Variants in GAD2 observed in about 807,000 individuals in gnomAD.
GAD2 encodes 65 kDa glutamic acid decarboxylase.
A neutral mutation model predicts 80.1 loss-of-function variants in GAD2; 22 were observed. The ratio of observed to expected loss-of-function variants is 0.27; its 90% CI spans 0.20 to 0.39. GAD2 has a LOEUF of 0.39. GAD2 is among the 10% of genes least tolerant of loss of function. GAD2 has a pLI of 1.00. For synonymous variants in GAD2, 274 were observed against 256.9 expected (o/e 1.07, Z -0.64); for missense variants, 624 against 738.4 (o/e 0.85, Z 1.80).
At chr10:26,289,015 G>T (rs3847380) in intron 13 of GAD2, among the ~76,000 whole-genome samples, 65,027 of 152,014 alleles carry the variant, frequency 0.43, 17,886 homozygotes, top group African/African-American at 0.79. Flanking sequence ...TGGAAACACC[G>T]CAAGTATCTA....
chr10:26,275,211 G>A (rs1418790555), intron 11 of GAD2, among the ~76,000 whole-genome samples: 1 of 152,246 alleles, frequency 6.6e-6, no homozygotes, highest in African/African-American at 2.4e-5. Context: ...AAATTCATGT[G>A]CTTTCAAGAG....
intron 7 of GAD2, among the ~76,000 whole-genome samples, chr10:26,234,409 G>C (rs887836174): frequency 1.3e-5 from 2 of 151,740 alleles, no homozygotes; most frequent in African/African-American, 4.8e-5. Context: ...GGGATACTTT[G>C]CCCATGGTGT....
rs1564315365 is a variant in GAD2, at chr10:26,303,472, G to GAAGGAAATGA, written c.*2512_*2513insAGGAAATGAA. On this transcript the variant is annotated 3_prime_UTR_variant, in exon 16 of 16. Transcript: ENST00000376261. ...GGAGGGAGGGAGGGAGGGAGGGAAG[G>GAAGGAAATGA]AGGGAGGGAGGAAGGAAATGAAGGG... is the stretch of plus-strand genomic sequence containing the variant. The GAAGGAAATGA allele has an allele frequency of 1.6e-4, 22 of 141,198 alleles. No individual in the cohort carries two copies. Among genetic ancestry groups the GAAGGAAATGA allele is most frequent in the African/African-American group, 5.8e-4 (22 of 38,202 alleles). 8.7% of individuals were successfully genotyped at this position (141,198 alleles called of 1,614,324 possible).
At chr10:26,285,965 G>A (rs1008806893) in intron 12 of GAD2, among the ~76,000 whole-genome samples, 2 of 152,020 alleles carry the variant, frequency 1.3e-5, no homozygotes, top group African/African-American at 4.8e-5. Context: ...TTTTAATCAT[G>A]ACAAAACCAG....
Position 26,269,155 on chromosome 10 carries a change from T to C in GAD2, c.957T>C (p.Ile319=). 1.2e-6 allele frequency: 2 copies of C among 1,600,626 alleles called. No homozygotes were observed. The highest frequency in any genetic ancestry group is 1.1e-5 in the South Asian group (1 of 87,548). Residue 319 remains isoleucine (I), a synonymous_variant, in exon 9 of 16, where the codon ATT becomes ATC. Coordinates refer to ENST00000376261, the MANE Select transcript of GAD2 (RefSeq NM_001134366.2). The stretch of plus-strand genomic sequence containing the variant: ...TTCCATCTGATCTTGAAAGAAGGAT[T>C]CTTGAAGCCAAACAGAAAGTAAGTT... ...KMIPSDLERR[I]LEAKQKGFVP... is the part of the protein sequence containing the mutation.
intron 9 of GAD2, 61 bp from the exon 10 acceptor site, chr10:26,270,579 A>T: frequency 8.4e-7 from 1 of 1,190,182 alleles, no homozygotes; most frequent in East Asian, 2.3e-5. Flanking sequence ...GCTTTGAATC[A>T]GCTTTTTAAA....
At position 26,292,480 on chromosome 10, in the gene GAD2, G is replaced by A. The variant is rs1834227299; in HGVS notation, c.1402G>A (p.Glu468Lys). The A allele has an allele frequency of 6.2e-7, 1 of 1,613,866 alleles. No homozygotes were observed. The highest frequency in any genetic ancestry group is 1.7e-5 in the Admixed American group (1 of 60,004). ...MWRAKGTTGFEAHVDKCLELA... is the reference protein window; with the variant it reads ...MWRAKGTTGFKAHVDKCLELA... ...TCTTACCTAGGGGACTACCGGGTTT[G>A]AAGCGCATGTTGATAAATGTTTGGA... The change falls in exon 14 of 16, where the codon GAA (glutamate) becomes AAA (lysine). Residue 468 changes from glutamate (E) to lysine (K), a missense_variant. By Grantham distance (56) the Glu-to-Lys change is moderately conservative. Transcript: ENST00000376261.
chr10:26,224,730 A>G, intron 6 of GAD2, 79 bp downstream of exon 6: 3 of 1,009,226 alleles, frequency 3.0e-6, no homozygotes, highest in Non-Finnish European at 4.6e-6. Context: ...AAGATTAAAA[A>G]TCTAGCCTAT....
At chr10:26,278,819 G>A (rs1404868610) in intron 11 of GAD2, among the ~76,000 whole-genome samples, 1 of 151,654 alleles carries the variant, frequency 6.6e-6, no homozygotes, top group African/African-American at 2.4e-5. Flanking sequence ...CTATTCGTTG[G>A]CCCAGATGAG....
intron 6 of GAD2, among the ~76,000 whole-genome samples, chr10:26,229,005 T>C (rs112869666): frequency 0.092 from 14,041 of 151,924 alleles, 736 homozygotes; most frequent in African/African-American, 0.12. Flanking sequence ...GCCTGGCCAA[T>C]GTGGTGAAAC....
At chr10:26,245,355 G>A (rs7911822) in intron 7 of GAD2, among the ~76,000 whole-genome samples, 3,972 of 151,198 alleles carry the variant, frequency 0.026, 186 homozygotes, top group African/African-American at 0.091. Flanking sequence ...TGCACATCCC[G>A]CATGTACCCT....
At chr10:26,227,864 G>A (rs1844549556) in intron 6 of GAD2, among the ~76,000 whole-genome samples, 1 of 152,194 alleles carries the variant, frequency 6.6e-6, no homozygotes, top group Non-Finnish European at 1.5e-5. Context: ...GATTCTACCT[G>A]ATTCTACCTG....
intron 6 of GAD2, among the ~76,000 whole-genome samples, chr10:26,229,219 G>A (rs73594327): frequency 0.11 from 16,320 of 150,532 alleles, 1,109 homozygotes; most frequent in African/African-American, 0.18. Context: ...AAGTTGATTA[G>A]CAGCTTACAC....
At chr10:26,247,753 G>A (rs1844826328) in intron 8 of GAD2, among the ~76,000 whole-genome samples, 1 of 151,544 alleles carries the variant, frequency 6.6e-6, no homozygotes, top group Admixed American at 6.6e-5. Context: ...AAAATTAGCC[G>A]GGGGTGGTGA....
At position 26,292,465 on chromosome 10, in the gene GAD2, G is replaced by A; in HGVS notation, c.1387G>A (p.Gly463Arg). 6.2e-7 allele frequency: 1 copy of A among 1,612,510 alleles called. No homozygotes were observed. ...TGAGCTGTGTCCTTCTCTTACCTAG[G>A]GGACTACCGGGTTTGAAGCGCATGT... ...FKLWLMWRAK[G>R]TTGFEAHVDK... is the part of the protein sequence containing the mutation. The change falls in exon 14 of 16, where the codon GGG (glycine) becomes AGG (arginine). Residue 463 changes from glycine (G) to arginine (R), a missense_variant and splice_region_variant. Coordinates refer to ENST00000376261, the MANE Select transcript of GAD2 (RefSeq NM_001134366.2).
intron 7 of GAD2, among the ~76,000 whole-genome samples, chr10:26,233,314 C>G (rs989306597): frequency 5.9e-5 from 9 of 152,214 alleles, no homozygotes; most frequent in African/African-American, 1.7e-4. Flanking sequence ...CTTCCCTGAT[C>G]AAGTTTCCAC....
chr10:26,263,048 T>G, intron 8 of GAD2, among the ~76,000 whole-genome samples: 1 of 152,202 alleles, frequency 6.6e-6, no homozygotes, highest in Non-Finnish European at 1.5e-5. Context: ...ATATCATGAT[T>G]GGAGTCTCAG....
At chr10:26,247,477 A>AT (rs1283939367) in intron 8 of GAD2, among the ~76,000 whole-genome samples, 1 of 152,158 alleles carries the variant, frequency 6.6e-6, no homozygotes, top group East Asian at 1.9e-4. Flanking sequence ...TCATATTCAC[A>AT]TGCCTCTGAC....
At chr10:26,227,046 G>T (rs569098384) in intron 6 of GAD2, among the ~76,000 whole-genome samples, 14 of 152,312 alleles carry the variant, frequency 9.2e-5, no homozygotes, top group Non-Finnish European at 1.5e-4. Flanking sequence ...AGGCTGGAGT[G>T]CAGTGGCACG....
Sources: allele counts gnomAD v4.1 joint callset (sites outside exome capture counted in the v4.1 genomes callset), GRCh38; gene constraint gnomAD v4.1.1; transcripts MANE v1.5; gene names NCBI Gene and HGNC (gene_info 2026-07-23, HGNC 2026-07-21).